The following RAB33A variants were observed in gnomAD, a reference collection of about 807,000 sequenced individuals.
RAB33A encodes ras-related protein Rab-33A.
A neutral mutation model predicts 12.0 loss-of-function variants in RAB33A; 6 were observed. The ratio of observed to expected loss-of-function variants is 0.50; its 90% CI spans 0.27 to 0.99. The LOEUF (loss-of-function observed/expected upper bound fraction) is 0.99, where lower values mean the gene tolerates loss of function less well. RAB33A is among the 50% of genes least tolerant of loss of function. The probability of loss-of-function intolerance (pLI) is 0.11; values close to 1 mark genes in which losing one functional copy is unlikely to be tolerated. For missense variants in RAB33A, 109 were observed against 192.0 expected (o/e 0.57, Z 2.55); for synonymous variants, 70 against 82.4 (o/e 0.85, Z 0.81).
the RAB33A span, among the ~76,000 whole-genome samples, chrX:130,160,006 G>C: frequency 9.1e-6 from 1 of 110,070 alleles, no homozygotes; most frequent in Non-Finnish European, 1.9e-5. Flanking sequence ...ATTTTTTGTA[G>C]ATACGAGGTT....
At chrX:130,146,158 C>T in the RAB33A span, among the ~76,000 whole-genome samples, 1 of 111,963 alleles carries the variant, frequency 8.9e-6, no homozygotes, top group South Asian at 3.7e-4. Context: ...TTAATATTGG[C>T]TGAGTGCAGT....
At chrX:130,116,543 C>T in the RAB33A span, among the ~76,000 whole-genome samples, 1 of 111,864 alleles carries the variant, frequency 8.9e-6, no homozygotes, top group Non-Finnish European at 1.9e-5. Context: ...CCACCCACCT[C>T]GGCCTCCCAA....
At chrX:130,133,016 CG>C in the RAB33A span, among the ~76,000 whole-genome samples, 2 of 111,566 alleles carry the variant, frequency 1.8e-5, no homozygotes, top group Admixed American at 9.5e-5. Flanking sequence ...CCTATTTTGC[CG>C]GAAGTGCTGG....
chrX:130,171,934 G>A, upstream of RAB33A: 1 of 811,289 alleles, frequency 1.2e-6, no homozygotes, highest in Non-Finnish European at 1.7e-6. Context: ...ACGCACACAC[G>A]GGCGGACACA....
At chrX:130,181,311 A>G (rs2031725317) in intron 1 of RAB33A, among the ~76,000 whole-genome samples, 1 of 111,411 alleles carries the variant, frequency 9.0e-6, no homozygotes, top group Non-Finnish European at 1.9e-5. Context: ...GACAGATTCA[A>G]TTATATTTAC....
chrX:130,111,152 G>A, the RAB33A span, among the ~76,000 whole-genome samples: 1 of 109,542 alleles, frequency 9.1e-6, no homozygotes, highest in African/African-American at 3.3e-5. Flanking sequence ...CGGCTCGCTC[G>A]CGCCCGGGGG....
At chrX:130,148,325 G>A in the RAB33A span, among the ~76,000 whole-genome samples, 3 of 111,024 alleles carry the variant, frequency 2.7e-5, no homozygotes, top group Admixed American at 2.9e-4. Context: ...AGAATAAGGG[G>A]GTGCTTTTGA....
chrX:130,134,472 C>T, the RAB33A span, among the ~76,000 whole-genome samples: 8 of 110,917 alleles, frequency 7.2e-5, no homozygotes, highest in Admixed American at 7.8e-4. Context: ...ATTCATTCGA[C>T]AAATATTTAT....
At chrX:130,182,882 C>A (rs1484184114) in intron 1 of RAB33A, among the ~76,000 whole-genome samples, 1 of 111,611 alleles carries the variant, frequency 9.0e-6, no homozygotes, top group Non-Finnish European at 1.9e-5. Flanking sequence ...TGCATAATAT[C>A]CCACTGTACG....
At chrX:130,137,539 T>C in the RAB33A span, 1 of 1,165,213 alleles carries the variant, frequency 8.6e-7, no homozygotes, top group South Asian at 1.9e-5. Flanking sequence ...AAAAAGAACA[T>C]TAAGAAAACT....
At chrX:130,115,651 AAGAAAGAG>A in the RAB33A span, among the ~76,000 whole-genome samples, 2 of 95,905 alleles carry the variant, frequency 2.1e-5, no homozygotes, top group African/African-American at 7.6e-5. Context: ...GCCAAAAAGA[AAGAAAGAG>A]AGAAAGAGAG....
At chrX:130,179,993 G>A (rs1394072001) in intron 1 of RAB33A, among the ~76,000 whole-genome samples, 1 of 109,461 alleles carries the variant, frequency 9.1e-6, no homozygotes, top group African/African-American at 3.3e-5. Flanking sequence ...AGGGAAGTTG[G>A]CGAAGGTTTG....
At chrX:130,113,599 T>C in the RAB33A span, among the ~76,000 whole-genome samples, 22 of 110,303 alleles carry the variant, frequency 2.0e-4, no homozygotes, top group African/African-American at 5.9e-4. Flanking sequence ...AATTTTTGTA[T>C]TTTTAGTAGA....
chrX:130,113,064 T>C, the RAB33A span, among the ~76,000 whole-genome samples: 1 of 95,551 alleles, frequency 1.0e-5, no homozygotes, highest in Admixed American at 1.2e-4. Context: ...CTTTTTCTTT[T>C]TTTTTTTTCC....
At chrX:130,123,196 G>A in the RAB33A span, among the ~76,000 whole-genome samples, 7 of 112,120 alleles carry the variant, frequency 6.2e-5, no homozygotes, top group African/African-American at 2.3e-4. Flanking sequence ...CTGAAGGTGA[G>A]AGATGACCTA....
At chrX:130,165,633 C>T in the RAB33A span, 1 of 1,201,390 alleles carries the variant, frequency 8.3e-7, no homozygotes, top group Non-Finnish European at 1.1e-6. Context: ...AAGCACCCGC[C>T]GCCAGGCCTC....
At chrX:130,133,299 C>G in the RAB33A span, 43 of 1,208,165 alleles carry the variant, frequency 3.6e-5, no homozygotes, top group Non-Finnish European at 4.7e-5. Context: ...GTCTCCAAGG[C>G]ACACCACTAT....
At chrX:130,117,635 C>A in the RAB33A span, among the ~76,000 whole-genome samples, 1 of 112,402 alleles carries the variant, frequency 8.9e-6, no homozygotes. Flanking sequence ...GAGGGCAAGC[C>A]CCCTGGAGTC....
Position 130,172,753 on chromosome X carries a change from G to A in RAB33A, c.258+433G>A, listed in dbSNP as rs190567734. Among the ~76,000 whole-genome samples the A allele has an allele frequency of 1.2e-3, 135 of 111,643 alleles. 1 individual carries two copies. Among genetic ancestry groups the A allele is most frequent in the African/African-American group, 4.3e-3 (131 of 30,771 alleles). ...CCGATAGGCTGCAAAACCCCACTTT[G>A]GCTAAGCCTCAAGGCGTTAGAGGGA... On this transcript the variant is annotated intron_variant, in intron 1 of 1. Coordinates refer to ENST00000257017, the MANE Select transcript of RAB33A (RefSeq NM_004794.3).
Sources: allele counts gnomAD v4.1 joint callset (sites outside exome capture counted in the v4.1 genomes callset), GRCh38; gene constraint gnomAD v4.1.1; transcripts MANE v1.5; gene names NCBI Gene and HGNC (gene_info 2026-07-23, HGNC 2026-07-21).